CTNND2: variants seen among roughly 807,000 people sequenced by gnomAD.
The protein encoded by CTNND2 is catenin delta-2.
A neutral mutation model predicts 144.4 loss-of-function variants in CTNND2; 22 were observed. That is an observed-to-expected ratio of 0.15 (90% CI 0.11 to 0.22). The LOEUF (loss-of-function observed/expected upper bound fraction) is 0.22, where lower values mean the gene tolerates loss of function less well. Ranked by LOEUF, CTNND2 falls within the 10% of genes least tolerant of loss-of-function variation. The pLI is 1.00. For synonymous variants in CTNND2, 751 were observed against 695.6 expected (o/e 1.08, Z -1.25); for missense variants, 1,353 against 1,618.8 (o/e 0.84, Z 2.82).
chr5:11,274,710 A>G (rs1306995463), intron 9 of CTNND2, among the ~76,000 whole-genome samples: 1 of 152,136 alleles, frequency 6.6e-6, no homozygotes, highest in Non-Finnish European at 1.5e-5. Flanking sequence ...CTCCGTGCAT[A>G]AGATATTATA....
Position 11,236,688 on chromosome 5 carries a change from G to T in CTNND2, c.1761+3C>A. ...ATCATTTCAGAATCCAAGGAGCACT[G>T]ACCTCGGCTTTAATTTTGTTGTCTC... is the stretch of plus-strand genomic sequence containing the variant. On this transcript the variant is annotated splice_donor_region_variant and intron_variant, in intron 10 of 21. Transcript: ENST00000304623. 1 of 1,614,080 alleles carries T rather than the reference G, an allele frequency of 6.2e-7. No individual in the cohort carries two copies. The highest frequency in any genetic ancestry group is 1.1e-5 in the South Asian group (1 of 91,054).
chr5:11,488,946 T>G (rs537606070), intron 3 of CTNND2, among the ~76,000 whole-genome samples: 7 of 152,182 alleles, frequency 4.6e-5, no homozygotes, highest in Non-Finnish European at 1.0e-4. Context: ...GTGTAGAGTT[T>G]AAGCATTCAC....
chr5:11,195,320 AT>A (rs1297049508), intron 11 of CTNND2, among the ~76,000 whole-genome samples: 5 of 152,302 alleles, frequency 3.3e-5, no homozygotes, highest in African/African-American at 9.6e-5. Flanking sequence ...TTAAAGACTT[AT>A]TTTTTTAGAA....
At chr5:11,451,647 C>T (rs1387891550) in intron 3 of CTNND2, among the ~76,000 whole-genome samples, 1 of 152,134 alleles carries the variant, frequency 6.6e-6, no homozygotes, top group African/African-American at 2.4e-5. Context: ...TGATACTCAA[C>T]CTGGATTACA....
intron 16 of CTNND2, among the ~76,000 whole-genome samples, chr5:11,081,148 A>G (rs1749532168): frequency 6.6e-6 from 1 of 150,988 alleles, no homozygotes; most frequent in Non-Finnish European, 1.5e-5. Context: ...AGCAGAAGGT[A>G]GAATGGTGGT....
At chr5:11,266,072 A>T (rs1745413818) in intron 9 of CTNND2, among the ~76,000 whole-genome samples, 1 of 152,150 alleles carries the variant, frequency 6.6e-6, no homozygotes, top group Admixed American at 6.5e-5. Flanking sequence ...ATCCATAAAG[A>T]CAAAAATCCA....
At chr5:11,317,708 A>G (rs1751653165) in intron 9 of CTNND2, among the ~76,000 whole-genome samples, 1 of 152,136 alleles carries the variant, frequency 6.6e-6, no homozygotes, top group Admixed American at 6.5e-5. Context: ...TATAATTGAT[A>G]TAGGTAATGC....
chr5:11,177,208 T>C (rs957678736), intron 11 of CTNND2, among the ~76,000 whole-genome samples: 1 of 152,194 alleles, frequency 6.6e-6, no homozygotes, highest in Non-Finnish European at 1.5e-5. Context: ...AGGGACTATA[T>C]AAGTTGATGG....
At chr5:11,272,124 TAAAC>T (rs1561129801) in intron 9 of CTNND2, among the ~76,000 whole-genome samples, 2 of 152,106 alleles carry the variant, frequency 1.3e-5, no homozygotes, top group Non-Finnish European at 2.9e-5. Context: ...TCCTGACAAA[TAAAC>T]AGAGAGTTTA....
intron 11 of CTNND2, among the ~76,000 whole-genome samples, chr5:11,184,778 T>A (rs966878192): frequency 6.6e-6 from 1 of 152,200 alleles, no homozygotes; most frequent in Non-Finnish European, 1.5e-5. Context: ...AATCAAGTTA[T>A]GTAGAAACTT....
At chr5:11,083,981 A>T in intron 15 of CTNND2, 4 of 1,079,402 alleles carry the variant, frequency 3.7e-6, no homozygotes, top group Non-Finnish European at 4.5e-6. Flanking sequence ...AATCAAAAAA[A>T]CAACTTCATC....
intron 2 of CTNND2, among the ~76,000 whole-genome samples, chr5:11,602,153 T>G (rs1779826415): frequency 6.6e-6 from 1 of 152,068 alleles, no homozygotes; most frequent in Non-Finnish European, 1.5e-5. Flanking sequence ...AAAATATATT[T>G]TATTATTATA....
intron 9 of CTNND2, among the ~76,000 whole-genome samples, chr5:11,290,963 C>T (rs568578069): frequency 1.2e-4 from 19 of 152,262 alleles, no homozygotes; most frequent in African/African-American, 4.1e-4. Context: ...GGAGTTAACA[C>T]GTCACCTATA....
At chr5:11,452,014 A>G (rs1045312432) in intron 3 of CTNND2, among the ~76,000 whole-genome samples, 2 of 152,234 alleles carry the variant, frequency 1.3e-5, no homozygotes, top group African/African-American at 4.8e-5. Flanking sequence ...GATTACAAGA[A>G]TCATCCAAGG....
chr5:11,780,083 C>T (rs1439132093), intron 1 of CTNND2, among the ~76,000 whole-genome samples: 2 of 152,264 alleles, frequency 1.3e-5, no homozygotes, highest in South Asian at 4.1e-4. Context: ...CCTGGAAAAA[C>T]GAGAGAGGAG....
chr5:11,671,735 C>T (rs1359287365), intron 2 of CTNND2, among the ~76,000 whole-genome samples: 3 of 151,992 alleles, frequency 2.0e-5, no homozygotes, highest in Non-Finnish European at 2.9e-5. Context: ...GCTCCTTTAG[C>T]TTGGAGGAGT....
intron 2 of CTNND2, among the ~76,000 whole-genome samples, chr5:11,582,098 C>T (rs760261541): frequency 5.3e-5 from 8 of 152,144 alleles, no homozygotes; most frequent in Non-Finnish European, 7.3e-5. Context: ...GAAGTGAGAG[C>T]CCATTTCTGC....
At chr5:11,103,109 G>C (rs1304496287) in intron 14 of CTNND2, among the ~76,000 whole-genome samples, 1 of 149,788 alleles carries the variant, frequency 6.7e-6, no homozygotes, top group Non-Finnish European at 1.5e-5. Context: ...AGCCTCCTGA[G>C]TAGCTGGGAT....
chr5:11,006,144 G>A (rs911812705), intron 18 of CTNND2, among the ~76,000 whole-genome samples: 3 of 152,188 alleles, frequency 2.0e-5, no homozygotes, highest in Admixed American at 2.0e-4. Flanking sequence ...GGAAGACCAG[G>A]ACCAGGGTAT....
Sources: gnomAD v4.1 joint callset for allele counts (sites outside exome capture counted in the v4.1 genomes callset) on GRCh38, gnomAD v4.1.1 for gene constraint, MANE v1.5 for transcripts, NCBI Gene and HGNC (gene_info 2026-07-23, HGNC 2026-07-21) for gene names.